Variants in TDRD12 observed in about 807,000 individuals in gnomAD.
TDRD12 encodes the protein tudor domain containing 12.
Under a neutral mutation model 133.5 loss-of-function variants are expected in TDRD12, and 158 were observed. The observed-to-expected ratio is 1.18, with a 90% CI of 1.04 to 1.35. The LOEUF is 1.35. Ranked by LOEUF, TDRD12 falls within the 40% of genes most tolerant of loss-of-function variation. The pLI is 0.00. For synonymous variants in TDRD12, 460 were observed against 477.9 expected (o/e 0.96, Z 0.49); for missense variants, 1,443 against 1,321.3 (o/e 1.09, Z -1.43).
chr19:32,789,088 G>T (rs1322117375), intron 11 of TDRD12, among the ~76,000 whole-genome samples: 1 of 151,806 alleles, frequency 6.6e-6, no homozygotes, highest in African/African-American at 2.4e-5. Context: ...GTCTGGTGTG[G>T]AGTAGTGTAA....
At chr19:32,745,863 A>AGACGGG (rs1969595639) in intron 4 of TDRD12, among the ~76,000 whole-genome samples, 1 of 147,720 alleles carries the variant, frequency 6.8e-6, no homozygotes, top group Admixed American at 6.7e-5. Flanking sequence ...TGTGTGTGAG[A>AGACGGG]GAGAGAGTCT....
intron 1 of TDRD12, among the ~76,000 whole-genome samples, chr19:32,724,011 C>T (rs202077153): frequency 1.3e-5 from 2 of 151,994 alleles, no homozygotes; most frequent in East Asian, 3.9e-4. Context: ...GCATTTGCCC[C>T]CACTCCTGGT....
chr19:32,745,778 G>T, intron 4 of TDRD12, among the ~76,000 whole-genome samples: 1 of 82,298 alleles, frequency 1.2e-5, no homozygotes, highest in Admixed American at 1.1e-4. Context: ...AGAGAGACTG[G>T]CTGATGTCAT....
At chr19:32,762,871 A>G (rs1021827594) in intron 8 of TDRD12, among the ~76,000 whole-genome samples, 2 of 152,200 alleles carry the variant, frequency 1.3e-5, no homozygotes, top group African/African-American at 2.4e-5. Flanking sequence ...CCCAACCTAC[A>G]TGGTGCAGCC....
chr19:32,824,043 C>T (rs1568501586), downstream of TDRD12: 1 of 152,476 alleles, frequency 6.6e-6, no homozygotes, highest in Non-Finnish European at 1.5e-5. Flanking sequence ...AGCCACCAGG[C>T]ACTTGGCCAC....
intron 8 of TDRD12, among the ~76,000 whole-genome samples, chr19:32,770,207 A>T (rs896998604): frequency 1.3e-5 from 2 of 151,940 alleles, no homozygotes; most frequent in African/African-American, 4.8e-5. Flanking sequence ...GGGTTTCACC[A>T]TGTTGGCTGG....
chr19:32,764,080 CT>C (rs1178757734), intron 8 of TDRD12, among the ~76,000 whole-genome samples: 1 of 93,006 alleles, frequency 1.1e-5, no homozygotes, highest in African/African-American at 4.1e-5. Context: ...AATTGCTTTT[CT>C]TTTTTTACTT....
chr19:32,738,778 A>C, intron 2 of TDRD12, 78 bp from the exon 3 acceptor site: 1 of 1,454,288 alleles, frequency 6.9e-7, no homozygotes. Context: ...GTGCCACTGC[A>C]CTCCAGCCTG....
chr19:32,794,621 T>G lies in TDRD12; in HGVS notation c.1288-7T>G. 1 of 701,978 alleles carries G rather than the reference T, an allele frequency of 1.4e-6. No individual in the cohort carries two copies. The highest frequency in any genetic ancestry group is 2.6e-6 in the Non-Finnish European group (1 of 384,488). 43.5% of individuals were successfully genotyped at this position (701,978 alleles called of 1,614,324 possible). Reference sequence around the variant, plus strand: ...TATTTTGGTTTCTGGTTGTTTCTGTTTTGTAGGCTCTTCAAAGAAATAAGT... The same window carrying G: ...TATTTTGGTTTCTGGTTGTTTCTGTGTTGTAGGCTCTTCAAAGAAATAAGT... On this transcript the variant is annotated splice_region_variant and splice_polypyrimidine_tract_variant and intron_variant, in intron 13 of 27. Transcript: ENST00000444215.
At chr19:32,823,663 A>G (rs1302682490), downstream of TDRD12, among the ~76,000 whole-genome samples, 3 of 152,326 alleles carry the variant, frequency 2.0e-5, no homozygotes, top group African/African-American at 7.2e-5. Flanking sequence ...AGCGGGGGGC[A>G]GCTGGTTTCG....
rs1413253149 is a variant in TDRD12 at position 32,742,832 on chromosome 19, A to T, written c.372A>T (p.Lys124Asn). The change falls in exon 4 of 28, where the codon AAA becomes AAT. Residue 124 changes from lysine to asparagine, a missense_variant. Lys to Asn is a moderately conservative substitution (Grantham distance 94, BLOSUM62 0). Transcript: ENST00000444215. ...TGCAGCTTCCCTATAGAGCAAAAAA[A>T]TTCAGCCTGTACTGCACAAAGCCTG... 1.9e-6 allele frequency: 3 copies of T among 1,551,928 alleles called. No homozygotes were observed. The East Asian group carries it at 7.3e-5, about 38-fold the overall frequency.
chr19:32,821,445 T>C (rs1967392947), downstream of TDRD12, among the ~76,000 whole-genome samples: 1 of 151,706 alleles, frequency 6.6e-6, no homozygotes, highest in Admixed American at 6.6e-5. Flanking sequence ...CTGTTGAACA[T>C]TTCCAGGACC....
chr19:32,728,622 C>A (rs1968932849), intron 1 of TDRD12, among the ~76,000 whole-genome samples: 1 of 151,096 alleles, frequency 6.6e-6, no homozygotes. Context: ...AGCGAGTATA[C>A]CCCTTGTGAA....
At chr19:32,824,465 G>A (rs73580056), downstream of TDRD12, 15,236 of 153,084 alleles carry the variant, frequency 0.1, 811 homozygotes, top group Middle Eastern at 0.14. Context: ...CCGGCTCGGG[G>A]GCTGCTGCCT....
chr19:32,746,103 A>AGT (rs1969612933), intron 4 of TDRD12, among the ~76,000 whole-genome samples: 1 of 142,956 alleles, frequency 7.0e-6, no homozygotes, highest in African/African-American at 2.7e-5. Flanking sequence ...GGGGAGAGAG[A>AGT]CTGGCTGATG....
exon 8 of TDRD12, chr19:32,826,287 A>G (rs1178678508): frequency 4.1e-6 from 6 of 1,447,538 alleles, no homozygotes; most frequent in Non-Finnish European, 4.5e-6. Context: ...AGATGTCGTC[A>G]TCTTAAAGAT....
At chr19:32,807,571 C>G (rs758429459) in exon 22 of TDRD12, 2 of 1,534,374 alleles carry the variant, frequency 1.3e-6, no homozygotes, top group Non-Finnish European at 1.7e-6. Flanking sequence ...CTGTCCTGAC[C>G]GACACCGTAT....
At chr19:32,818,284 T>TTC (rs1423570659) in intron 27 of TDRD12, 127 bp downstream of exon 27, 1 of 607,498 alleles carries the variant, frequency 1.6e-6, no homozygotes, top group Non-Finnish European at 2.9e-6. Flanking sequence ...GGGCTGTGAG[T>TTC]TCCAGGAGCA....
intron 13 of TDRD12, among the ~76,000 whole-genome samples, 173 bp from the exon 14 acceptor site, chr19:32,794,455 T>C (rs1483220805): frequency 3.3e-5 from 5 of 152,062 alleles, no homozygotes; most frequent in Non-Finnish European, 7.4e-5. Flanking sequence ...GCAACAGTCT[T>C]TTAATAGGAG....
Sources: allele counts gnomAD v4.1 joint callset (sites outside exome capture counted in the v4.1 genomes callset), GRCh38; gene constraint gnomAD v4.1.1; transcripts MANE v1.5; gene names NCBI Gene and HGNC (gene_info 2026-07-23, HGNC 2026-07-21).